MGAT5: variants seen among roughly 807,000 people sequenced by gnomAD.
The protein encoded by MGAT5 is alpha-1,6-mannosylglycoprotein 6-beta-N-acetylglucosaminyltransferase.
Under a neutral mutation model 94.3 loss-of-function variants are expected in MGAT5, and 30 were observed. The observed-to-expected ratio is 0.32, with a 90% confidence interval of 0.24 to 0.43. MGAT5 has a LOEUF of 0.43. MGAT5 is among the 20% of genes least tolerant of loss of function. The pLI, the probability that MGAT5 is intolerant of heterozygous loss-of-function variation, is 1.00. For synonymous variants in MGAT5, 310 were observed against 322.9 expected, an observed-to-expected ratio of 0.96 and a Z score of 0.43; for missense variants, 691 against 905.5, an observed-to-expected ratio of 0.76 and a Z score of 3.04.
At chr2:134,188,544 G>A (rs1437137375) in intron 1 of MGAT5, among the ~76,000 whole-genome samples, 1 of 152,204 alleles carries the variant, frequency 6.6e-6, no homozygotes, top group South Asian at 2.1e-4. Context: ...CATTTTAGCT[G>A]TTACTAAAAG....
intron 1 of MGAT5, among the ~76,000 whole-genome samples, chr2:134,122,595 G>T (rs1250710850): frequency 1.3e-5 from 2 of 152,228 alleles, no homozygotes; most frequent in East Asian, 1.9e-4. Context: ...CTTTGTAGGG[G>T]CTGGGAGAAG....
chr2:134,438,248 G>A (rs919753519), intron 14 of MGAT5, among the ~76,000 whole-genome samples: 1 of 151,998 alleles, frequency 6.6e-6, no homozygotes, highest in African/African-American at 2.4e-5. Flanking sequence ...GTTGAGATTT[G>A]GGTCTCATCT....
At chr2:134,413,096 C>T in intron 12 of MGAT5, 81 bp downstream of exon 12, 1 of 1,406,640 alleles carries the variant, frequency 7.1e-7, no homozygotes, top group Non-Finnish European at 9.9e-7. Context: ...GTATTAACTT[C>T]ATCTAACATG....
chr2:134,249,899 C>T (rs1682493649), upstream of MGAT5, among the ~76,000 whole-genome samples: 1 of 152,230 alleles, frequency 6.6e-6, no homozygotes, highest in Admixed American at 6.5e-5. Context: ...ATGAGGGTTC[C>T]AATTTCTCCA....
At chr2:134,184,601 G>A (rs1163565880) in intron 1 of MGAT5, among the ~76,000 whole-genome samples, 2 of 152,132 alleles carry the variant, frequency 1.3e-5, no homozygotes, top group African/African-American at 2.4e-5. Context: ...ATGCACTGCC[G>A]CATTTGCACA....
intron 11 of MGAT5, among the ~76,000 whole-genome samples, chr2:134,408,584 C>A (rs571444968): frequency 6.6e-6 from 1 of 152,152 alleles, no homozygotes; most frequent in African/African-American, 2.4e-5. Context: ...TCTTGGCCTC[C>A]GTGGACCTTC....
At chr2:134,330,554 A>AGTGTGTGTGTGT (rs34688054) in intron 4 of MGAT5, among the ~76,000 whole-genome samples, 3,838 of 148,514 alleles carry the variant, frequency 0.026, 71 homozygotes, top group East Asian at 0.045. Flanking sequence ...TAAATTGTGT[A>AGTGTGTGTGTGT]GTGTGTGTGT....
chr2:134,356,683 G>C (rs1408685282), intron 9 of MGAT5, among the ~76,000 whole-genome samples: 1 of 152,098 alleles, frequency 6.6e-6, no homozygotes, highest in Non-Finnish European at 1.5e-5. Flanking sequence ...TTTTCCCAGG[G>C]TCCTCAAAAC....
At chr2:134,273,133 G>T (rs199638476) in intron 2 of MGAT5, among the ~76,000 whole-genome samples, 4,493 of 136,700 alleles carry the variant, frequency 0.033, 113 homozygotes, top group Middle Eastern at 0.093. Context: ...CCAGAAGGTG[G>T]GGGGGGGTCC....
intron 1 of MGAT5, among the ~76,000 whole-genome samples, chr2:134,171,097 G>T (rs941139994): frequency 2.0e-5 from 3 of 152,086 alleles, no homozygotes; most frequent in Non-Finnish European, 4.4e-5. Flanking sequence ...CTGACCTCAG[G>T]TGATCTGCCT....
At chr2:134,227,205 A>G (rs553694028) in intron 1 of MGAT5, among the ~76,000 whole-genome samples, 1 of 152,180 alleles carries the variant, frequency 6.6e-6, no homozygotes, top group African/African-American at 2.4e-5. Flanking sequence ...GAAAAGAGAC[A>G]TCCTTGGGCT....
chr2:134,217,601 G>A (rs1207297891), intron 1 of MGAT5, among the ~76,000 whole-genome samples: 3 of 152,206 alleles, frequency 2.0e-5, no homozygotes, highest in Non-Finnish European at 4.4e-5. Flanking sequence ...CTTCATTTAA[G>A]AAGTATGATT....
rs373377770 is a variant in MGAT5, at chr2:134,145,214, C to CTCTCTCTGTGTGTGTGTG, written c.-143+24924_-143+24925insCTCTCTGTGTGTGTGTGT. On this transcript the variant is annotated intron_variant, in intron 1 of 16. Transcript: ENST00000409645. ...GTAAGGTGTGTGTGTGTCTCTCTCT[C>CTCTCTCTGTGTGTGTGTG]TGTGTGTGTGTGTGTGTGTGTGTGT... Among the ~76,000 whole-genome samples the CTCTCTCTGTGTGTGTGTG allele has an allele frequency of 2.5e-4, 36 of 143,870 alleles. 1 individual carries two copies. The highest frequency in any genetic ancestry group is 4.4e-4 in the South Asian group (2 of 4,524). 94.4% of individuals were successfully genotyped at this position (143,870 alleles called of 152,430 possible).
chr2:134,375,906 G>T lies in MGAT5; in HGVS notation c.1380+13498G>T, dbSNP rs192712023. The stretch of plus-strand genomic sequence containing the variant: ...TTTCATCTTCTTCCAGGCTGCTGGG[G>T]GTGTTTCATGACCACAGAGGTGAGA... On this transcript the variant is annotated intron_variant, in intron 10 of 15. Transcript: ENST00000281923. Among the ~76,000 whole-genome samples, 168 of 152,284 alleles carry T rather than the reference G, an allele frequency of 1.1e-3. 1 individual carries two copies. Among genetic ancestry groups the T allele is most frequent in the Non-Finnish European group, 1.9e-4 (13 of 68,020 alleles).
At chr2:134,406,333 A>G (rs1049744312) in intron 11 of MGAT5, among the ~76,000 whole-genome samples, 2 of 152,210 alleles carry the variant, frequency 1.3e-5, no homozygotes, top group East Asian at 3.8e-4. Flanking sequence ...TGGCTTCTGC[A>G]CATACTGTCG....
At chr2:134,426,065 C>G (rs1285254584) in intron 13 of MGAT5, among the ~76,000 whole-genome samples, 2 of 152,076 alleles carry the variant, frequency 1.3e-5, no homozygotes, top group Non-Finnish European at 2.9e-5. Context: ...AGAAAACTGC[C>G]CGCTCTCCCA....
rs141670408 is a variant in MGAT5, at chr2:134,404,904, G to C, written c.1530+1767G>C. Among the ~76,000 whole-genome samples, 81 of 152,242 alleles carry C rather than the reference G, an allele frequency of 5.3e-4. 1 individual carries two copies. Among genetic ancestry groups the C allele is most frequent in the African/African-American group, 1.9e-3 (80 of 41,530 alleles). Reference sequence around the variant, plus strand: ...ACATTTCAGAATCATCAGAATGTCTGGGCCCTTTAATGGCAGTGCTGTTTT... The same window carrying C: ...ACATTTCAGAATCATCAGAATGTCTCGGCCCTTTAATGGCAGTGCTGTTTT... On this transcript the variant is annotated intron_variant, in intron 11 of 15. Transcript: ENST00000281923.
intron 2 of MGAT5, 152 bp from the exon 3 acceptor site, chr2:134,317,377 A>T: frequency 2.1e-6 from 1 of 481,842 alleles, no homozygotes; most frequent in Non-Finnish European, 3.6e-6. Flanking sequence ...AGTTAGATAT[A>T]TTGGAGCTGG....
chr2:134,225,791 T>G (rs1300437848), intron 1 of MGAT5, among the ~76,000 whole-genome samples: 1 of 152,210 alleles, frequency 6.6e-6, no homozygotes, highest in Non-Finnish European at 1.5e-5. Flanking sequence ...CTCAATAAAC[T>G]ACATCTCGTG....
Sources: allele counts gnomAD v4.1 joint callset (sites outside exome capture counted in the v4.1 genomes callset), GRCh38; gene constraint gnomAD v4.1.1; transcripts MANE v1.5; gene names NCBI Gene and HGNC (gene_info 2026-07-23, HGNC 2026-07-21).